The following PTPRG variants were observed in gnomAD, a reference collection of about 807,000 sequenced individuals.
PTPRG encodes protein tyrosine phosphatase receptor type G, also known as receptor-type tyrosine-protein phosphatase gamma.
In PTPRG, 102 loss-of-function variants were observed where a neutral mutation model predicts 165.3. That is an observed-to-expected ratio of 0.62 (90% CI 0.53 to 0.73). PTPRG has a LOEUF of 0.73. PTPRG is among the 30% of genes least tolerant of loss of function. The pLI, the probability that PTPRG is intolerant of heterozygous loss-of-function variation, is 0.00. For missense variants in PTPRG, 1,866 were observed against 1,861.4 expected (o/e 1.00, Z -0.05); for synonymous variants, 675 against 669.5 (o/e 1.01, Z -0.13).
At chr3:61,743,530 A>T (rs2033084298) in intron 1 of PTPRG, among the ~76,000 whole-genome samples, 1 of 152,120 alleles carries the variant, frequency 6.6e-6, no homozygotes, top group African/African-American at 2.4e-5. Flanking sequence ...TGTGTTGGTT[A>T]AAATGTCATT....
At chr3:62,185,158 G>C (rs57922107) in intron 8 of PTPRG, among the ~76,000 whole-genome samples, 24,087 of 152,054 alleles carry the variant, frequency 0.16, 2,511 homozygotes, top group East Asian at 0.35. Flanking sequence ...CATAATTAAA[G>C]GTGGTTCAGA....
intron 6 of PTPRG, among the ~76,000 whole-genome samples, chr3:62,155,462 G>A (rs1256102170): frequency 6.6e-6 from 1 of 152,192 alleles, no homozygotes; most frequent in African/African-American, 2.4e-5. Context: ...TCCCGGCTCT[G>A]TAAACTGGGG....
chr3:62,245,155 A>G lies in PTPRG; in HGVS notation c.2467+1257A>G, dbSNP rs1576173944. Among the ~76,000 whole-genome samples, 5 of 152,330 alleles carry G rather than the reference A, an allele frequency of 3.3e-5. No homozygotes were observed. The East Asian group carries it at 9.6e-4, about 29-fold the overall frequency. On this transcript the variant is annotated intron_variant, in intron 15 of 29. Transcript: ENST00000474889. This position sits in a 1 kb window ranked among gnomAD's most constrained non-coding sequence, Gnocchi z 4.2. ...CCTGTTGGAGCATTTTGTGGCTGCT[A>G]AACTAATTCTCATAAAGATAGGATA...
chr3:62,036,938 C>T (rs1575920409), intron 4 of PTPRG, among the ~76,000 whole-genome samples: 2 of 152,064 alleles, frequency 1.3e-5, no homozygotes, highest in East Asian at 3.9e-4. Flanking sequence ...GCTCGTTTGC[C>T]ACCACTTCCC....
intron 4 of PTPRG, among the ~76,000 whole-genome samples, chr3:62,004,372 C>A (rs530668279): frequency 1.3e-5 from 2 of 152,290 alleles, no homozygotes; most frequent in South Asian, 4.1e-4. Flanking sequence ...GACCCTTCTG[C>A]TCTTAAAACT....
chr3:61,813,887 T>TG (rs2035673067), intron 2 of PTPRG, among the ~76,000 whole-genome samples: 1 of 140,276 alleles, frequency 7.1e-6, no homozygotes, highest in African/African-American at 2.8e-5. Context: ...TATGAGATAC[T>TG]GGCTTTTTTT....
chr3:61,924,264 C>T (rs1031196446), intron 2 of PTPRG, among the ~76,000 whole-genome samples: 22 of 152,192 alleles, frequency 1.4e-4, no homozygotes, highest in African/African-American at 5.3e-4. Flanking sequence ...CCTGCACTTG[C>T]AGGTCACAGG....
intron 3 of PTPRG, among the ~76,000 whole-genome samples, chr3:61,998,300 C>T (rs896708119): frequency 1.3e-5 from 2 of 152,140 alleles, no homozygotes; most frequent in South Asian, 2.1e-4. Context: ...GAGCCCCAGA[C>T]ATAGGGAGAA....
intron 2 of PTPRG, among the ~76,000 whole-genome samples, chr3:61,935,409 C>T (rs928358099): frequency 1.9e-4 from 29 of 152,094 alleles, no homozygotes; most frequent in African/African-American, 5.1e-4. Context: ...GGCAAAATTA[C>T]GCACGTGCAC....
chr3:61,661,416 T>C (rs1559545282), intron 1 of PTPRG, among the ~76,000 whole-genome samples: 1 of 152,158 alleles, frequency 6.6e-6, no homozygotes, highest in East Asian at 1.9e-4. Flanking sequence ...CTTTAGTGTC[T>C]ATATGCCCGT....
chr3:61,772,807 G>A (rs535803521), intron 2 of PTPRG, among the ~76,000 whole-genome samples: 21 of 152,238 alleles, frequency 1.4e-4, no homozygotes, highest in African/African-American at 4.1e-4. Context: ...GTGCTGGTGC[G>A]TTTATTTTTG....
chr3:61,810,239 G>C (rs755950753), intron 2 of PTPRG, among the ~76,000 whole-genome samples: 1 of 152,202 alleles, frequency 6.6e-6, no homozygotes, highest in Non-Finnish European at 1.5e-5. Flanking sequence ...ATGAAAGCTG[G>C]CAAATTCAGT....
At chr3:61,956,157 A>G (rs1451768107) in intron 2 of PTPRG, among the ~76,000 whole-genome samples, 1 of 151,890 alleles carries the variant, frequency 6.6e-6, no homozygotes, top group Non-Finnish European at 1.5e-5. Flanking sequence ...TCTCCAACAG[A>G]TATGTGATTA....
intron 2 of PTPRG, among the ~76,000 whole-genome samples, chr3:61,776,592 T>C (rs139906291): frequency 5.6e-4 from 86 of 152,248 alleles, no homozygotes; most frequent in African/African-American, 1.8e-3. Context: ...CTAGAACTTA[T>C]TAGGGCGGCA....
chr3:61,760,759 C>G (rs1369396116), intron 2 of PTPRG, among the ~76,000 whole-genome samples: 3 of 152,152 alleles, frequency 2.0e-5, no homozygotes, highest in African/African-American at 7.2e-5. Flanking sequence ...TCTCCCTCGC[C>G]CCTCCCTGCT....
intron 4 of PTPRG, among the ~76,000 whole-genome samples, chr3:62,053,474 C>T (rs1336991412): frequency 6.6e-6 from 1 of 152,048 alleles, no homozygotes; most frequent in East Asian, 1.9e-4. Context: ...TCCATGTTGG[C>T]CAGGCTGGTC....
chr3:62,205,529 A>C (rs1700206349), intron 12 of PTPRG, among the ~76,000 whole-genome samples: 1 of 152,168 alleles, frequency 6.6e-6, no homozygotes. Flanking sequence ...TGGGGAGCGG[A>C]GGGACAGTGT....
At chr3:61,639,166 T>A (rs575759159) in intron 1 of PTPRG, among the ~76,000 whole-genome samples, 5 of 152,294 alleles carry the variant, frequency 3.3e-5, no homozygotes, top group African/African-American at 1.2e-4. Context: ...GAATAGATAA[T>A]CCTTTCCCTA....
chr3:61,810,219 A>C (rs2035534610), intron 2 of PTPRG, among the ~76,000 whole-genome samples: 1 of 152,252 alleles, frequency 6.6e-6, no homozygotes, highest in Non-Finnish European at 1.5e-5. Flanking sequence ...AGGAAAGGGT[A>C]GAGGTTTGTA....
Sources: allele counts gnomAD v4.1 joint callset (sites outside exome capture counted in the v4.1 genomes callset), GRCh38; gene constraint gnomAD v4.1.1; non-coding constraint Gnocchi (gnomAD v3.1); transcripts MANE v1.5; gene names NCBI Gene and HGNC (gene_info 2026-07-23, HGNC 2026-07-21).